The following UNC79 variants were observed in gnomAD, a reference collection of about 807,000 sequenced individuals.
UNC79 encodes the protein unc-79 subunit of NALCN channel complex, also known as protein unc-79 homolog.
UNC79 carries 37 observed loss-of-function variants against 283.1 expected under a neutral mutation model. The observed-to-expected ratio is 0.13, with a 90% CI of 0.10 to 0.17. UNC79 has a LOEUF of 0.17. UNC79 is among the 10% of genes least tolerant of loss of function. UNC79 has a pLI of 1.00. For missense variants in UNC79, 2,272 were observed against 3,211.1 expected (o/e 0.71, Z 7.07); for synonymous variants, 1,107 against 1,200.2 (o/e 0.92, Z 1.61).
intron 14 of UNC79, among the ~76,000 whole-genome samples, chr14:93,546,732 C>T (rs551774184): frequency 1.3e-5 from 2 of 152,150 alleles, no homozygotes; most frequent in Non-Finnish European, 2.9e-5. Flanking sequence ...TCATTCAGTC[C>T]TATGTAATTC....
chr14:93,645,321 G>A (rs771025944), intron 34 of UNC79, among the ~76,000 whole-genome samples: 34 of 152,168 alleles, frequency 2.2e-4, no homozygotes, highest in Non-Finnish European at 3.5e-4. Context: ...ACCAGTAGCA[G>A]ATACATTTTT....
At chr14:93,626,766 TTTAGTATAGAGTTTGGAAGAGACAAACA>T (rs1176842705) in intron 30 of UNC79, among the ~76,000 whole-genome samples, 5 of 152,174 alleles carry the variant, frequency 3.3e-5, no homozygotes, top group African/African-American at 4.8e-5. Flanking sequence ...TTTTTAATGT[TTTAGTATAGAGTTTGGAAGAGACAAACA>T]TTAGTATAGA....
At chr14:93,664,338 T>C (rs2071930282) in intron 40 of UNC79, among the ~76,000 whole-genome samples, 1 of 152,170 alleles carries the variant, frequency 6.6e-6, no homozygotes, top group Non-Finnish European at 1.5e-5. Context: ...ATAAAGGTGA[T>C]TTTTAATGTA....
chr14:93,546,114 T>C (rs530476914), intron 14 of UNC79, among the ~76,000 whole-genome samples: 1 of 152,218 alleles, frequency 6.6e-6, no homozygotes, highest in Non-Finnish European at 1.5e-5. Flanking sequence ...ATCATAGTGA[T>C]GTTATCCGCA....
intron 1 of UNC79, among the ~76,000 whole-genome samples, chr14:93,404,518 A>C (rs2055186434): frequency 1.5e-5 from 2 of 130,448 alleles, no homozygotes; most frequent in South Asian, 2.3e-4. Context: ...ATATATAAAT[A>C]TATACATATT....
intron 1 of UNC79, among the ~76,000 whole-genome samples, chr14:93,402,921 G>A (rs1401805333): frequency 1.3e-5 from 2 of 152,198 alleles, no homozygotes; most frequent in East Asian, 1.9e-4. Flanking sequence ...TGTGTCCAAG[G>A]TGGTTGAGGC....
intron 34 of UNC79, among the ~76,000 whole-genome samples, chr14:93,644,916 T>C (rs1284590079): frequency 6.6e-6 from 1 of 152,136 alleles, no homozygotes; most frequent in Non-Finnish European, 1.5e-5. Context: ...GACTTCAAAA[T>C]AGCCCATGTG....
At chr14:93,341,747 C>A (rs1464660412) in intron 1 of UNC79, among the ~76,000 whole-genome samples, 1 of 152,074 alleles carries the variant, frequency 6.6e-6, no homozygotes, top group Non-Finnish European at 1.5e-5. Context: ...AATTCTAAGG[C>A]CTCCCCCACC....
At chr14:93,477,159 T>G (rs1233186796) in intron 3 of UNC79, among the ~76,000 whole-genome samples, 1 of 152,166 alleles carries the variant, frequency 6.6e-6, no homozygotes, top group East Asian at 1.9e-4. Context: ...CCAGATGGTT[T>G]GATTGATGGA....
At chr14:93,380,566 A>G (rs1391121287) in intron 1 of UNC79, among the ~76,000 whole-genome samples, 2 of 152,132 alleles carry the variant, frequency 1.3e-5, no homozygotes, top group African/African-American at 4.8e-5. Flanking sequence ...ATTCTTCACC[A>G]TATTTATGTG....
chr14:93,683,454 C>T (rs1341421879), intron 42 of UNC79, among the ~76,000 whole-genome samples: 1 of 152,138 alleles, frequency 6.6e-6, no homozygotes, highest in Non-Finnish European at 1.5e-5. Context: ...CACATGACCA[C>T]ACCCAACTGC....
intron 1 of UNC79, among the ~76,000 whole-genome samples, chr14:93,390,051 GAT>G (rs2054854781): frequency 6.6e-6 from 1 of 152,176 alleles, no homozygotes; most frequent in Admixed American, 6.5e-5. Context: ...CATGAACAAA[GAT>G]AAAAAATTCT....
chr14:93,340,164 T>C (rs113591311), intron 1 of UNC79, among the ~76,000 whole-genome samples: 11,191 of 152,168 alleles, frequency 0.074, 869 homozygotes, highest in African/African-American at 0.19. Context: ...ACACCTATGC[T>C]GGGTGCGGTG....
At chr14:93,333,517 GT>G in exon 1 of UNC79, 2 of 398,450 alleles carry the variant, frequency 5.0e-6, no homozygotes, top group East Asian at 7.1e-5. Flanking sequence ...GTGAGCACTT[GT>G]CTATCGTAAG....
At chr14:93,403,067 A>G (rs1003907583) in intron 1 of UNC79, among the ~76,000 whole-genome samples, 1 of 152,202 alleles carries the variant, frequency 6.6e-6, no homozygotes. Flanking sequence ...ATAAATAGGT[A>G]GGAGACAAAT....
chr14:93,445,112 G>A (rs1370000118), intron 1 of UNC79, among the ~76,000 whole-genome samples: 1 of 152,050 alleles, frequency 6.6e-6, no homozygotes, highest in African/African-American at 2.4e-5. Context: ...TGTTAGTATA[G>A]ATAAATACAA....
intron 1 of UNC79, among the ~76,000 whole-genome samples, chr14:93,380,598 A>G (rs574854326): frequency 1.3e-5 from 2 of 152,220 alleles, no homozygotes; most frequent in African/African-American, 4.8e-5. Context: ...TTGCAGTAAG[A>G]GCTTTGTTTG....
At chr14:93,694,370 A>G (rs1227865855) in exon 47 of UNC79, 2 of 1,611,684 alleles carry the variant, frequency 1.2e-6, no homozygotes, top group African/African-American at 2.7e-5. Flanking sequence ...TGATTAGTTT[A>G]ATGGAGGCAT....
rs762736958 is a variant in UNC79, at chr14:93,496,374, T to G, written c.713-37T>G. On this transcript the variant is annotated intron_variant, in intron 5 of 48. Transcript: ENST00000555664. ...ATCAAAGGATGTTTTGTCTGGTATTTACATTTCATGTATGAATTACATTTT... is the reference window on the plus strand; with the variant it reads ...ATCAAAGGATGTTTTGTCTGGTATTGACATTTCATGTATGAATTACATTTT... 3.5e-6 allele frequency: 5 copies of G among 1,409,072 alleles called. No homozygotes were observed. In the Admixed American group the frequency reaches 1.2e-4, roughly 34 times the overall value. 87.3% of individuals were successfully genotyped at this position (1,409,072 alleles called of 1,614,324 possible).
Sources: gnomAD v4.1 joint callset for allele counts (sites outside exome capture counted in the v4.1 genomes callset) on GRCh38, gnomAD v4.1.1 for gene constraint, MANE v1.5 for transcripts, NCBI Gene and HGNC (gene_info 2026-07-23, HGNC 2026-07-21) for gene names.